Variants in HERC6 observed in about 807,000 individuals in gnomAD.
The protein encoded by HERC6 is HECT and RLD domain containing E3 ubiquitin protein ligase family member 6.
In HERC6, 101 loss-of-function variants were observed where a neutral mutation model predicts 114.5. That is an observed-to-expected ratio of 0.88 (90% CI 0.75 to 1.04). HERC6 has a LOEUF of 1.04. HERC6 is among the 50% of genes least tolerant of loss of function. The pLI is 0.00. For synonymous variants in HERC6, 408 were observed against 436.2 expected, an observed-to-expected ratio of 0.94 and a Z score of 0.81; for missense variants, 1,133 against 1,230.9, an observed-to-expected ratio of 0.92 and a Z score of 1.19.
chr4:88,424,035 G>A, intron 14 of HERC6, 62 bp downstream of exon 14: 2 of 794,648 alleles, frequency 2.5e-6, no homozygotes, highest in South Asian at 1.8e-5. Context: ...CATTACTGTA[G>A]TATCTGTAAA....
At chr4:88,438,514 G>A (rs976180683) in intron 20 of HERC6, among the ~76,000 whole-genome samples, 3 of 152,074 alleles carry the variant, frequency 2.0e-5, no homozygotes, top group Admixed American at 2.0e-4. Context: ...AAAGTACTGG[G>A]ATTACAAGGG....
intron 12 of HERC6, among the ~76,000 whole-genome samples, chr4:88,414,538 A>G (rs756298428): frequency 7.2e-5 from 11 of 152,202 alleles, no homozygotes; most frequent in Non-Finnish European, 1.2e-4. Context: ...AGAATAAAAA[A>G]TGGCTACTCC....
intron 22 of HERC6, chr4:88,440,479 GA>G: frequency 2.2e-6 from 1 of 448,596 alleles, no homozygotes. Flanking sequence ...AGGGGTCCCA[GA>G]AAAATGAGTT....
chr4:88,394,108 T>A (rs1735072301), intron 5 of HERC6, among the ~76,000 whole-genome samples: 1 of 152,166 alleles, frequency 6.6e-6, no homozygotes, highest in Non-Finnish European at 1.5e-5. Flanking sequence ...GAACCAAACA[T>A]AAATCATAAG....
At chr4:88,380,772 G>A (rs957515134) in intron 1 of HERC6, among the ~76,000 whole-genome samples, 12 of 151,128 alleles carry the variant, frequency 7.9e-5, no homozygotes, top group Non-Finnish European at 1.8e-4. Context: ...TACAATAATC[G>A]TTATGGATTA....
At chr4:88,433,884 T>C (rs1738483816) in intron 17 of HERC6, among the ~76,000 whole-genome samples, 1 of 152,200 alleles carries the variant, frequency 6.6e-6, no homozygotes, top group Admixed American at 6.5e-5. Context: ...CTGAAAGGTG[T>C]TTTGTATCTT....
chr4:88,386,207 T>C (rs889953754), intron 3 of HERC6, among the ~76,000 whole-genome samples: 17 of 150,798 alleles, frequency 1.1e-4, no homozygotes, highest in African/African-American at 2.4e-4. Flanking sequence ...TTCTTTTTTT[T>C]TTTTTTTTTC....
intron 13 of HERC6, among the ~76,000 whole-genome samples, chr4:88,422,417 TG>T (rs1737156991): frequency 2.0e-5 from 3 of 152,232 alleles, no homozygotes; most frequent in Non-Finnish European, 2.9e-5. Context: ...GTGGGATTTT[TG>T]TAGATACGTT....
chr4:88,409,576 T>C (rs1735983955), intron 11 of HERC6, among the ~76,000 whole-genome samples: 1 of 152,222 alleles, frequency 6.6e-6, no homozygotes, highest in African/African-American at 2.4e-5. Context: ...GGATAATCTC[T>C]AGCATGATAT....
chr4:88,398,530 G>T, intron 8 of HERC6: 1 of 192,966 alleles, frequency 5.2e-6, no homozygotes, highest in Non-Finnish European at 1.1e-5. Flanking sequence ...TCTTCAGGAG[G>T]GAACTGAATT....
intron 17 of HERC6, among the ~76,000 whole-genome samples, chr4:88,434,294 C>T (rs561376874): frequency 5.9e-5 from 9 of 152,258 alleles, no homozygotes; most frequent in African/African-American, 9.6e-5. Context: ...AGAAAATGGA[C>T]GTCATAATTT....
intron 3 of HERC6, among the ~76,000 whole-genome samples, chr4:88,389,948 A>G (rs1209441740): frequency 2.0e-5 from 3 of 152,094 alleles, no homozygotes; most frequent in Non-Finnish European, 2.9e-5. Flanking sequence ...AGGCTGAGGC[A>G]GGTGGATCAC....
chr4:88,389,251 C>T (rs1308265622), intron 3 of HERC6, among the ~76,000 whole-genome samples: 3 of 151,980 alleles, frequency 2.0e-5, no homozygotes, highest in Non-Finnish European at 2.9e-5. Context: ...TGGGGGTGGG[C>T]CAGACTGGTG....
chr4:88,422,191 G>GT (rs1737135230), intron 13 of HERC6, among the ~76,000 whole-genome samples: 1 of 152,004 alleles, frequency 6.6e-6, no homozygotes, highest in Admixed American at 6.6e-5. Context: ...CATTAAGCTT[G>GT]TTTTTTAACA....
At position 88,440,189 on chromosome 4, in the gene HERC6, T is replaced by C; in HGVS notation, c.2781T>C (p.Thr927=). ...AAGGATACCAAAAATCACATCCTAC[T>C]ATACAGTTGTTTTGGAAGGCTTTCC... is the stretch of plus-strand genomic sequence containing the variant. ...YEQGYQKSHP[T]IQLFWKAFHK... is the part of the protein sequence containing the mutation. Residue 927 remains threonine, a synonymous_variant, in exon 22 of 23, where the codon ACT becomes ACC. Coordinates refer to ENST00000264346, the MANE Select transcript of HERC6 (RefSeq NM_017912.4). 1 of 1,609,058 alleles carries C rather than the reference T, an allele frequency of 6.2e-7. No homozygotes were observed. Among genetic ancestry groups the C allele is most frequent in the Non-Finnish European group, 8.5e-7 (1 of 1,177,252 alleles).
intron 4 of HERC6, among the ~76,000 whole-genome samples, chr4:88,392,210 A>C (rs1203455375): frequency 1.4e-5 from 2 of 144,746 alleles, no homozygotes; most frequent in African/African-American, 5.2e-5. Flanking sequence ...ACAAGGTCTC[A>C]CTCTGTTGCC....
chr4:88,393,049 T>G (rs1735003802), intron 4 of HERC6, among the ~76,000 whole-genome samples: 1 of 152,142 alleles, frequency 6.6e-6, no homozygotes, highest in Admixed American at 6.5e-5. Context: ...TCTGTTGTTA[T>G]TTTAGGTTGA....
rs868203410 is a variant in HERC6 at position 88,402,341 on chromosome 4, T to A, written c.1093-2535T>A. Among the ~76,000 whole-genome samples, 13 of 152,292 alleles carry A rather than the reference T, an allele frequency of 8.5e-5. No homozygotes were observed. The South Asian group carries it at 1.2e-3, about 15-fold the overall frequency. Reference sequence around the variant, plus strand: ...TTGGCAATGTCTGGAGACATTGTAGTTTGTCATAACTAGGGGAGAGCATGG... The same window carrying A: ...TTGGCAATGTCTGGAGACATTGTAGATTGTCATAACTAGGGGAGAGCATGG... On this transcript the variant is annotated intron_variant, in intron 8 of 22. Transcript: ENST00000264346.
intron 18 of HERC6, 26 bp from the exon 19 acceptor site, chr4:88,436,879 A>T (rs1738806578): frequency 1.3e-6 from 2 of 1,554,832 alleles, no homozygotes; most frequent in Non-Finnish European, 8.8e-7. Flanking sequence ...AATAAATATA[A>T]TTTTTAAAAC....
Sources: gnomAD v4.1 joint callset for allele counts (sites outside exome capture counted in the v4.1 genomes callset) on GRCh38, gnomAD v4.1.1 for gene constraint, MANE v1.5 for transcripts, NCBI Gene and HGNC (gene_info 2026-07-23, HGNC 2026-07-21) for gene names.